Variants in MBNL2 observed in about 807,000 individuals in gnomAD.
The protein encoded by MBNL2 is muscleblind like splicing regulator 2.
Under a neutral mutation model 41.9 loss-of-function variants are expected in MBNL2, and 17 were observed. The ratio of observed to expected loss-of-function variants is 0.41; its 90% confidence interval spans 0.28 to 0.61. MBNL2 has a LOEUF of 0.61. Among genes scored for constraint, MBNL2 ranks in the 20% least tolerant of loss-of-function variants. The pLI is 0.35. For missense variants in MBNL2, 336 were observed against 505.6 expected, an observed-to-expected ratio of 0.66 and a Z score of 3.22; for synonymous variants, 195 against 182.9, an observed-to-expected ratio of 1.07 and a Z score of -0.53.
intron 2 of MBNL2, among the ~76,000 whole-genome samples, chr13:97,301,719 A>G (rs556722505): frequency 2.6e-5 from 4 of 152,184 alleles, no homozygotes; most frequent in Admixed American, 2.6e-4. Flanking sequence ...GTCCAGCTCC[A>G]CTGGCCCAAT....
intron 2 of MBNL2, among the ~76,000 whole-genome samples, chr13:97,278,715 C>T (rs184257041): frequency 1.2e-4 from 18 of 152,280 alleles, no homozygotes; most frequent in African/African-American, 4.1e-4. Flanking sequence ...CCTGCTGGAG[C>T]CTTTTTGAGG....
the MBNL2 span, among the ~76,000 whole-genome samples, chr13:97,207,971 C>T: frequency 6.6e-6 from 1 of 152,202 alleles, no homozygotes; most frequent in Non-Finnish European, 1.5e-5. Context: ...AAATGATCTC[C>T]CTTGACTCTA....
At chr13:97,230,471 C>A (rs1362099695) in intron 1 of MBNL2, among the ~76,000 whole-genome samples, 1 of 152,174 alleles carries the variant, frequency 6.6e-6, no homozygotes, top group Non-Finnish European at 1.5e-5. Flanking sequence ...ACAGCCTGGA[C>A]AACAGGCTAC....
intron 2 of MBNL2, among the ~76,000 whole-genome samples, chr13:97,304,912 T>C (rs2057986302): frequency 6.6e-6 from 1 of 152,238 alleles, no homozygotes; most frequent in South Asian, 2.1e-4. Context: ...CTGCCTAATT[T>C]AGAGAAGCTC....
At chr13:97,354,115 G>A (rs1162189382) in intron 5 of MBNL2, among the ~76,000 whole-genome samples, 1 of 151,286 alleles carries the variant, frequency 6.6e-6, no homozygotes, top group African/African-American at 2.4e-5. Context: ...AGCTGGAGAG[G>A]CCCAGAGAAG....
At chr13:97,384,491 T>C (rs1020694221) in intron 8 of MBNL2, among the ~76,000 whole-genome samples, 7 of 152,124 alleles carry the variant, frequency 4.6e-5, no homozygotes, top group African/African-American at 1.4e-4. Flanking sequence ...CAGACAGTCA[T>C]GGCTGCTGTG....
chr13:97,348,624 A>G (rs1268151031), intron 5 of MBNL2, among the ~76,000 whole-genome samples: 1 of 152,176 alleles, frequency 6.6e-6, no homozygotes, highest in Non-Finnish European at 1.5e-5. Context: ...TTAGTAACTG[A>G]GAGCAATAAC....
intron 2 of MBNL2, among the ~76,000 whole-genome samples, chr13:97,291,172 C>T (rs1402498706): frequency 6.6e-6 from 1 of 152,056 alleles, no homozygotes; most frequent in Non-Finnish European, 1.5e-5. Context: ...AGCAATGCCA[C>T]CCGGCTGGGG....
rs1319377650 is a variant in MBNL2 at position 97,261,414 on chromosome 13, C to T, written c.-604-14218C>T. On this transcript the variant is annotated intron_variant, in intron 1 of 8. Transcript: ENST00000679496. ...TTATCCACCTCCTCAACTGCCGTCA[C>T]CTCCATGTGTACTAGCCTCATACCT... is the stretch of plus-strand genomic sequence containing the variant. Among the ~76,000 whole-genome samples, 4 of 152,158 alleles carry T rather than the reference C, an allele frequency of 2.6e-5. No individual in the cohort carries two copies. In the South Asian group the frequency reaches 8.3e-4, roughly 32 times the overall value.
At chr13:97,182,268 CAT>C in the MBNL2 span, among the ~76,000 whole-genome samples, 19 of 152,158 alleles carry the variant, frequency 1.2e-4, no homozygotes, top group African/African-American at 3.9e-4. Flanking sequence ...AGAATATACA[CAT>C]GTTAGAGAAC....
At chr13:97,143,446 A>G in the MBNL2 span, among the ~76,000 whole-genome samples, 1 of 152,180 alleles carries the variant, frequency 6.6e-6, no homozygotes, top group Non-Finnish European at 1.5e-5. Context: ...CCAGGAGGGG[A>G]GTCTAACATG....
chr13:97,161,962 A>G, the MBNL2 span, among the ~76,000 whole-genome samples: 1 of 152,204 alleles, frequency 6.6e-6, no homozygotes, highest in Non-Finnish European at 1.5e-5. Flanking sequence ...AGACTGGGTA[A>G]TTTGTAAAGA....
the MBNL2 span, among the ~76,000 whole-genome samples, chr13:97,193,726 C>T: frequency 6.6e-6 from 1 of 152,086 alleles, no homozygotes; most frequent in Non-Finnish European, 1.5e-5. Flanking sequence ...GAAAGGAAAC[C>T]ACAGTGGCTG....
intron 2 of MBNL2, among the ~76,000 whole-genome samples, chr13:97,289,156 T>G (rs964386322): frequency 2.0e-5 from 3 of 152,118 alleles, no homozygotes; most frequent in Non-Finnish European, 4.4e-5. Context: ...AATTTTTTAC[T>G]GAATACTGAT....
the MBNL2 span, among the ~76,000 whole-genome samples, chr13:97,145,622 C>T: frequency 6.6e-6 from 1 of 152,204 alleles, no homozygotes; most frequent in Non-Finnish European, 1.5e-5. Flanking sequence ...ACTTATTCCT[C>T]AAGCTATATA....
In MBNL2 at chr13:97,365,160, C is replaced by T; in HGVS notation, c.1037C>T (p.Ala346Val). 1 of 1,606,650 alleles carries T rather than the reference C, an allele frequency of 6.2e-7. No homozygotes were observed. The highest frequency in any genetic ancestry group is 8.5e-7 in the Non-Finnish European group (1 of 1,173,232). The change falls in exon 8 of 9, where the codon GCT (alanine) becomes GTT (valine). Residue 346 changes from alanine (A) to valine (V), a missense_variant. Ala to Val is a moderately conservative substitution (Grantham distance 64, BLOSUM62 0). Transcript: ENST00000679496. Reference protein sequence around the residue: ...PTGSVLCMTPATSIDNSEIIS... With the variant: ...PTGSVLCMTPVTSIDNSEIIS... ...GGGTCAGTTTTGTGCATGACACCCG[C>T]TACCAGTATTGGTAGGTTTCAACCT...
At chr13:97,178,665 G>A in the MBNL2 span, among the ~76,000 whole-genome samples, 1 of 152,148 alleles carries the variant, frequency 6.6e-6, no homozygotes, top group Non-Finnish European at 1.5e-5. Context: ...GGAGGCCAAG[G>A]CAGGCAGATC....
the MBNL2 span, among the ~76,000 whole-genome samples, chr13:97,183,091 G>A: frequency 6.6e-6 from 1 of 152,054 alleles, no homozygotes; most frequent in East Asian, 1.9e-4. Flanking sequence ...CAAAATCAAA[G>A]GTTATGGACT....
At chr13:97,255,473 C>T (rs1257677750) in intron 1 of MBNL2, among the ~76,000 whole-genome samples, 1 of 152,082 alleles carries the variant, frequency 6.6e-6, no homozygotes, top group East Asian at 1.9e-4. Context: ...GGTCCAGAGT[C>T]GTCTTTTAGG....
Sources: gnomAD v4.1 joint callset for allele counts (sites outside exome capture counted in the v4.1 genomes callset) on GRCh38, gnomAD v4.1.1 for gene constraint, MANE v1.5 for transcripts, NCBI Gene and HGNC (gene_info 2026-07-23, HGNC 2026-07-21) for gene names.